The following CNTNAP2 variants were observed in gnomAD, a reference collection of about 807,000 sequenced individuals.
CNTNAP2 encodes the protein contactin-associated protein-like 2.
CNTNAP2 carries 98 observed loss-of-function variants against 155.2 expected under a neutral mutation model. That is an observed-to-expected ratio of 0.63 (90% CI 0.54 to 0.75). The LOEUF (loss-of-function observed/expected upper bound fraction) is 0.75. Among genes scored for constraint, CNTNAP2 ranks in the 30% least tolerant of loss-of-function variants. The pLI is 0.00. For synonymous variants in CNTNAP2, 651 were observed against 631.2 expected (o/e 1.03, Z -0.47); for missense variants, 1,727 against 1,688.1 (o/e 1.02, Z -0.40).
At chr7:146,158,357 G>T (rs952342281) in intron 1 of CNTNAP2, among the ~76,000 whole-genome samples, 1 of 152,192 alleles carries the variant, frequency 6.6e-6, no homozygotes, top group Non-Finnish European at 1.5e-5. Context: ...GCAGCTCCTT[G>T]CCAGCAATGG....
Position 146,163,545 on chromosome 7 carries a change from ATATATC to A in CNTNAP2, c.97+46588_97+46593del, listed in dbSNP as rs1371516596. On this transcript the variant is annotated intron_variant, in intron 1 of 23. Coordinates refer to ENST00000361727, the MANE Select transcript of CNTNAP2 (RefSeq NM_014141.6). ...TATATATCTATATATATCTATATCT[ATATATC>A]TATATCTATATCTATCTATATCTAT... Among the ~76,000 whole-genome samples the A allele has an allele frequency of 5.2e-3, 750 of 145,146 alleles. 7 individuals carry two copies. Among genetic ancestry groups the A allele is most frequent in the African/African-American group, 0.018 (699 of 39,114 alleles).
chr7:148,371,272 G>A (rs77266044), intron 21 of CNTNAP2, among the ~76,000 whole-genome samples: 4,717 of 152,280 alleles, frequency 0.031, 88 homozygotes, highest in Non-Finnish European at 0.039. Context: ...AGGAGGCTAC[G>A]TGCAGTTACC....
chr7:147,250,552 C>T (rs1033352344), intron 8 of CNTNAP2, among the ~76,000 whole-genome samples: 2 of 150,952 alleles, frequency 1.3e-5, no homozygotes, highest in Non-Finnish European at 3.0e-5. Flanking sequence ...ACCCCCCCAT[C>T]TGACAGTCTT....
At chr7:146,964,021 A>C (rs1797607840) in intron 3 of CNTNAP2, among the ~76,000 whole-genome samples, 1 of 152,146 alleles carries the variant, frequency 6.6e-6, no homozygotes, top group Non-Finnish European at 1.5e-5. Context: ...TCTGAACAAC[A>C]AGCCATCTCA....
chr7:147,891,925 G>A (rs1444488689), intron 13 of CNTNAP2, among the ~76,000 whole-genome samples: 1 of 151,970 alleles, frequency 6.6e-6, no homozygotes, highest in African/African-American at 2.4e-5. Context: ...AAACAAAATA[G>A]CAAAGCAAAC....
intron 14 of CNTNAP2, among the ~76,000 whole-genome samples, chr7:147,948,646 TAC>T (rs997059445): frequency 4.7e-5 from 7 of 148,676 alleles, no homozygotes; most frequent in East Asian, 3.9e-4. Flanking sequence ...CACACACATA[TAC>T]ACACACACAC....
At chr7:146,611,298 C>G (rs1799132590) in intron 1 of CNTNAP2, among the ~76,000 whole-genome samples, 1 of 152,036 alleles carries the variant, frequency 6.6e-6, no homozygotes, top group Admixed American at 6.6e-5. Context: ...ACTATGTTGC[C>G]CAGTCTATTC....
In CNTNAP2 at chr7:147,893,084, G is replaced by C. The variant is rs866383175; in HGVS notation, c.2099-10481G>C. Among the ~76,000 whole-genome samples the C allele has an allele frequency of 3.3e-5, 5 of 152,210 alleles. No individual in the cohort carries two copies. In the Middle Eastern group the frequency reaches 0.01, roughly 311 times the overall value. On this transcript the variant is annotated intron_variant, in intron 13 of 23. Transcript: ENST00000361727. ...TTTATCTTGACTCATTCTTTGTTTG[G>C]CTTATATATTAACATAGAACAATGT...
At chr7:148,033,728 T>C (rs929490331) in intron 15 of CNTNAP2, among the ~76,000 whole-genome samples, 8 of 152,202 alleles carry the variant, frequency 5.3e-5, no homozygotes, top group African/African-American at 1.9e-4. Context: ...CTCCATAAAT[T>C]ATGTTAGATT....
At chr7:147,096,913 C>A (rs1800547525) in intron 4 of CNTNAP2, among the ~76,000 whole-genome samples, 1 of 152,186 alleles carries the variant, frequency 6.6e-6, no homozygotes, top group African/African-American at 2.4e-5. Context: ...CCTAACTGCT[C>A]TAGCAAAGAG....
chr7:148,328,259 C>G (rs1409209160), intron 21 of CNTNAP2, among the ~76,000 whole-genome samples: 2 of 152,020 alleles, frequency 1.3e-5, no homozygotes, highest in Non-Finnish European at 2.9e-5. Flanking sequence ...GGGGCTGGAG[C>G]TTGTTGGCCC....
At chr7:147,599,955 T>G in intron 12 of CNTNAP2, among the ~76,000 whole-genome samples, 1 of 152,240 alleles carries the variant, frequency 6.6e-6, no homozygotes. Flanking sequence ...GTAATACCAT[T>G]AAGTGTTTCT....
In CNTNAP2 at chr7:146,826,853, T is replaced by TAGAG. The variant is rs1479252509; in HGVS notation, c.209-12857_209-12856insGAGA. On this transcript the variant is annotated intron_variant, in intron 2 of 23. Transcript: ENST00000361727. ...GAATATATGTATATATATATATATA[T>TAGAG]ATATAGAGAGAGAGAGAGAGAGAGA... Among the ~76,000 whole-genome samples the TAGAG allele has an allele frequency of 5.3e-3, 744 of 140,680 alleles. 7 individuals carry two copies. The highest frequency in any genetic ancestry group is 0.019 in the African/African-American group (675 of 34,880). 92.3% of individuals were successfully genotyped at this position (140,680 alleles called of 152,430 possible).
At chr7:147,656,244 C>T (rs1047582078) in intron 13 of CNTNAP2, among the ~76,000 whole-genome samples, 1 of 152,184 alleles carries the variant, frequency 6.6e-6, no homozygotes, top group Non-Finnish European at 1.5e-5. Context: ...TTTCACTTTT[C>T]TATCTTTCAT....
intron 1 of CNTNAP2, among the ~76,000 whole-genome samples, chr7:146,120,955 CCTT>C (rs931917290): frequency 2.6e-5 from 4 of 151,814 alleles, no homozygotes; most frequent in African/African-American, 9.7e-5. Flanking sequence ...CAAAATATAT[CCTT>C]ATTGTTAGGA....
At chr7:146,206,780 C>A (rs1008637786) in intron 1 of CNTNAP2, among the ~76,000 whole-genome samples, 2 of 151,948 alleles carry the variant, frequency 1.3e-5, no homozygotes, top group Non-Finnish European at 2.9e-5. Flanking sequence ...AACAACAACA[C>A]TTTCAGATAA....
intron 13 of CNTNAP2, among the ~76,000 whole-genome samples, chr7:147,795,659 T>C (rs1437961167): frequency 6.6e-6 from 1 of 152,114 alleles, no homozygotes; most frequent in East Asian, 1.9e-4. Flanking sequence ...CAAATCCTCC[T>C]CTCCCAAACA....
In CNTNAP2 at chr7:147,693,452, T is replaced by C. The variant is rs370837293; in HGVS notation, c.2098+54146T>C. Among the ~76,000 whole-genome samples, 7 of 152,208 alleles carry C rather than the reference T, an allele frequency of 4.6e-5. No individual in the cohort carries two copies. In the East Asian group the frequency reaches 1.2e-3, roughly 25 times the overall value. Reference sequence around the variant, plus strand: ...GTAGGAAGAGTAGATATTGTGATAATATTGAGTCTTTCAAACAATACATAT... The same window carrying C: ...GTAGGAAGAGTAGATATTGTGATAACATTGAGTCTTTCAAACAATACATAT... On this transcript the variant is annotated intron_variant, in intron 13 of 23. Transcript: ENST00000361727.
chr7:146,662,124 T>C (rs756928152), intron 1 of CNTNAP2, among the ~76,000 whole-genome samples: 10 of 152,070 alleles, frequency 6.6e-5, no homozygotes, highest in Non-Finnish European at 1.5e-4. Context: ...GGGAAGACAG[T>C]TCAGTTCGTT....
Sources: gnomAD v4.1 joint callset for allele counts (sites outside exome capture counted in the v4.1 genomes callset) on GRCh38, gnomAD v4.1.1 for gene constraint, MANE v1.5 for transcripts, NCBI Gene and HGNC (gene_info 2026-07-23, HGNC 2026-07-21) for gene names.